The following FRMPD4 variants were observed in gnomAD, a reference collection of about 807,000 sequenced individuals.
FRMPD4 encodes FERM and PDZ domain-containing protein 4.
Under a neutral mutation model 94.1 loss-of-function variants are expected in FRMPD4, and 22 were observed. The observed-to-expected ratio is 0.23, with a 90% CI of 0.17 to 0.33. The LOEUF (loss-of-function observed/expected upper bound fraction) is 0.33. Among genes scored for constraint, FRMPD4 ranks in the 10% least tolerant of loss-of-function variants. The pLI, the probability that FRMPD4 is intolerant of heterozygous loss-of-function variation, is 1.00. For synonymous variants in FRMPD4, 631 were observed against 548.6 expected, an observed-to-expected ratio of 1.15 and a Z score of -2.10; for missense variants, 1,111 against 1,339.9, an observed-to-expected ratio of 0.83 and a Z score of 2.67.
At chrX:12,220,409 A>C (rs150000659) in intron 1 of FRMPD4, among the ~76,000 whole-genome samples, 1 of 111,881 alleles carries the variant, frequency 8.9e-6, no homozygotes, top group African/African-American at 3.3e-5. Flanking sequence ...ACAACTGGGC[A>C]TACTCTTGTA....
chrX:12,659,090 TAACTCA>T (rs1285983141), intron 4 of FRMPD4, among the ~76,000 whole-genome samples: 1 of 112,367 alleles, frequency 8.9e-6, no homozygotes, highest in Non-Finnish European at 1.9e-5. Context: ...CTCCTGGCTC[TAACTCA>T]AACTTCCCTG....
intron 1 of FRMPD4, among the ~76,000 whole-genome samples, chrX:12,233,197 A>G (rs1417846263): frequency 8.9e-6 from 1 of 111,881 alleles, no homozygotes; most frequent in East Asian, 2.8e-4. Context: ...AAATTCAAAT[A>G]TGAGGTACCT....
chrX:12,175,600 A>C (rs2056284075), intron 1 of FRMPD4, among the ~76,000 whole-genome samples: 1 of 111,685 alleles, frequency 9.0e-6, no homozygotes, highest in Non-Finnish European at 1.9e-5. Context: ...GCTCATTGCA[A>C]CCTCCACAGT....
chrX:12,428,035 C>G (rs5935333), intron 1 of FRMPD4, among the ~76,000 whole-genome samples: 47,313 of 105,079 alleles, frequency 0.45, 8,145 homozygotes, highest in South Asian at 0.56. Flanking sequence ...TCAGCCTCCC[C>G]AGTAGCTGGG....
At chrX:12,170,711 A>AACGAGGAGCTCC (rs113455762) in intron 1 of FRMPD4, among the ~76,000 whole-genome samples, 53,285 of 110,726 alleles carry the variant, frequency 0.48, 10,505 homozygotes, top group East Asian at 0.82. Flanking sequence ...GCTTGGTGGC[A>AACGAGGAGCTCC]ACTCCCGCGA....
intron 2 of FRMPD4, among the ~76,000 whole-genome samples, chrX:12,594,479 AG>A (rs1338951389): frequency 9.0e-6 from 1 of 110,763 alleles, no homozygotes; most frequent in Admixed American, 9.6e-5. Context: ...TCTGTCACCC[AG>A]GCTGGAGTGC....
chrX:12,031,301 G>A (rs2054690174), intron 3 of FRMPD4, among the ~76,000 whole-genome samples: 1 of 112,084 alleles, frequency 8.9e-6, no homozygotes, highest in African/African-American at 3.2e-5. Flanking sequence ...TTATTTATAA[G>A]AATCTTCCAA....
At chrX:12,155,073 A>G (rs2055913592) in intron 1 of FRMPD4, among the ~76,000 whole-genome samples, 1 of 112,367 alleles carries the variant, frequency 8.9e-6, no homozygotes. Context: ...GGTCACACCT[A>G]GCAAAGGGCA....
intron 1 of FRMPD4, among the ~76,000 whole-genome samples, chrX:12,494,537 C>T (rs1398164137): frequency 2.7e-5 from 3 of 111,556 alleles, no homozygotes; most frequent in African/African-American, 6.5e-5. Context: ...TTCTCCCCTA[C>T]GGCATCCCTT....
intron 3 of FRMPD4, among the ~76,000 whole-genome samples, chrX:12,050,858 A>G (rs1213038061): frequency 2.7e-5 from 3 of 111,291 alleles, no homozygotes; most frequent in Non-Finnish European, 5.7e-5. Flanking sequence ...AAATAAAAAA[A>G]GAGTTGTACA....
intron 3 of FRMPD4, among the ~76,000 whole-genome samples, chrX:12,118,625 C>T (rs2055428809): frequency 8.9e-6 from 1 of 111,860 alleles, no homozygotes; most frequent in South Asian, 3.7e-4. Context: ...GGCTGTCAGA[C>T]TTGGCTCATC....
intron 3 of FRMPD4, among the ~76,000 whole-genome samples, chrX:12,052,176 C>G (rs2054822278): frequency 9.0e-6 from 1 of 111,304 alleles, no homozygotes; most frequent in African/African-American, 3.3e-5. Context: ...ATAAAGACAC[C>G]AAGATTTTAC....
intron 4 of FRMPD4, among the ~76,000 whole-genome samples, chrX:12,648,045 T>A (rs1171139381): frequency 3.6e-5 from 4 of 111,404 alleles, no homozygotes; most frequent in Non-Finnish European, 7.5e-5. Flanking sequence ...TCTTGACCAT[T>A]CCCTTTCAGC....
intron 4 of FRMPD4, among the ~76,000 whole-genome samples, chrX:12,626,085 G>A (rs185324347): frequency 1.1e-3 from 128 of 111,445 alleles, no homozygotes; most frequent in Non-Finnish European, 1.7e-3. Flanking sequence ...TAGCATTTTT[G>A]GGAGGCCAAA....
At chrX:12,094,155 C>T (rs1023460217) in intron 3 of FRMPD4, among the ~76,000 whole-genome samples, 1 of 111,860 alleles carries the variant, frequency 8.9e-6, no homozygotes, top group African/African-American at 3.3e-5. Flanking sequence ...TTCATAAAGC[C>T]TCTCAAAGAC....
chrX:11,857,804 A>C (rs772070254), intron 1 of FRMPD4, among the ~76,000 whole-genome samples: 1 of 112,760 alleles, frequency 8.9e-6, no homozygotes, highest in Non-Finnish European at 1.9e-5. Context: ...TTTGCAAACT[A>C]TGCATTTGAC....
chrX:12,177,058 G>A (rs191123295), intron 1 of FRMPD4, among the ~76,000 whole-genome samples: 12 of 112,407 alleles, frequency 1.1e-4, no homozygotes, highest in Non-Finnish European at 2.3e-4. Context: ...ATCACTTAAT[G>A]AAAAGATGCT....
intron 1 of FRMPD4, among the ~76,000 whole-genome samples, chrX:12,478,031 A>G (rs2057625819): frequency 8.9e-6 from 1 of 112,443 alleles, no homozygotes; most frequent in African/African-American, 3.2e-5. Flanking sequence ...GGCATGGGAA[A>G]GTGTCTCCAG....
Position 11,925,138 on chromosome X carries a change from TAAA to T in FRMPD4, c.95+47133_95+47135del, listed in dbSNP as rs201067751. ...AAACAGACTTTAAACCAACAGAGAT[TAAA>T]AAAAAAAAAAAACATGAAGAAGGGC... On this transcript the variant is annotated intron_variant, in intron 3 of 18. Transcript: ENST00000640291. Among the ~76,000 whole-genome samples, 584 of 93,525 alleles carry T rather than the reference TAAA, an allele frequency of 6.2e-3. 3 individuals carry two copies. The highest frequency in any genetic ancestry group is 0.021 in the African/African-American group (534 of 25,412). The allele number at this position is 93,525 out of a possible 115,157, so 81.2% of individuals were successfully genotyped here.
Sources: gnomAD v4.1 joint callset for allele counts (sites outside exome capture counted in the v4.1 genomes callset) on GRCh38, gnomAD v4.1.1 for gene constraint, MANE v1.5 for transcripts, NCBI Gene and HGNC (gene_info 2026-07-23, HGNC 2026-07-21) for gene names.